OR51B5: variants seen among roughly 807,000 people sequenced by gnomAD.
OR51B5 encodes the protein olfactory receptor 51B5.
For missense variants in OR51B5, 456 were observed against 374.6 expected, an observed-to-expected ratio of 1.22 and a Z score of -1.79; for synonymous variants, 186 against 144.8, an observed-to-expected ratio of 1.28 and a Z score of -2.04.
chr11:5,433,442 C>T (rs1392091706), intron 1 of OR51B5, among the ~76,000 whole-genome samples: 5 of 152,216 alleles, frequency 3.3e-5, no homozygotes, highest in African/African-American at 1.2e-4. Flanking sequence ...CACACATTCA[C>T]TCAACAGATT....
At chr11:5,347,060 G>A (rs1395630749), upstream of OR51B5, 1 of 152,124 alleles carries the variant, frequency 6.6e-6, no homozygotes, top group African/African-American at 2.4e-5. Flanking sequence ...GTCCCCCCAA[G>A]CTTTTAAATA....
chr11:5,443,767 C>T (rs916859752), intron 1 of OR51B5, among the ~76,000 whole-genome samples: 1 of 152,000 alleles, frequency 6.6e-6, no homozygotes, highest in African/African-American at 2.4e-5. Context: ...TTTGCTTTGT[C>T]CACAGGAGTG....
At chr11:5,440,571 C>T (rs1437088096) in intron 1 of OR51B5, 38 of 1,610,212 alleles carry the variant, frequency 2.4e-5, no homozygotes, top group Non-Finnish European at 3.2e-5. Context: ...CAGCCTTCCT[C>T]AGGCCTGGGA....
intron 1 of OR51B5, among the ~76,000 whole-genome samples, chr11:5,443,320 A>G (rs1309901597): frequency 6.6e-6 from 1 of 152,158 alleles, no homozygotes; most frequent in East Asian, 1.9e-4. Flanking sequence ...CCAAATATAT[A>G]TAGGTAGTGA....
At chr11:5,489,189 C>A in intron 1 of OR51B5, 1 of 1,612,328 alleles carries the variant, frequency 6.2e-7, no homozygotes, top group Admixed American at 1.7e-5. Flanking sequence ...TTGTCTCCCC[C>A]TTCATCTTCT....
intron 1 of OR51B5, chr11:5,441,104 C>A (rs755710736): frequency 6.2e-7 from 1 of 1,613,846 alleles, no homozygotes; most frequent in African/African-American, 1.3e-5. Flanking sequence ...TGTGAGTGAG[C>A]ACAGTGACAT....
chr11:5,454,302 A>C, intron 1 of OR51B5: 1 of 1,614,170 alleles, frequency 6.2e-7, no homozygotes, highest in Non-Finnish European at 8.5e-7. Context: ...CCCATGCTAC[A>C]TACATGTCCT....
intron 1 of OR51B5, among the ~76,000 whole-genome samples, chr11:5,367,229 A>G (rs1248315652): frequency 6.6e-6 from 1 of 152,218 alleles, no homozygotes; most frequent in Non-Finnish European, 1.5e-5. Flanking sequence ...GCATTGCCAG[A>G]AAGGAGTCAC....
At chr11:5,346,588 T>TAA (rs1452460325), upstream of OR51B5, among the ~76,000 whole-genome samples, 109 of 152,030 alleles carry the variant, frequency 7.2e-4, no homozygotes, top group African/African-American at 2.4e-3. Context: ...AAAGAAGACA[T>TAA]ATGAGAGGGT....
At chr11:5,462,832 C>T (rs1851078845) in intron 1 of OR51B5, among the ~76,000 whole-genome samples, 1 of 152,220 alleles carries the variant, frequency 6.6e-6, no homozygotes, top group Non-Finnish European at 1.5e-5. Flanking sequence ...CTCCAGACAA[C>T]TGAGGAGAGC....
intron 1 of OR51B5, among the ~76,000 whole-genome samples, chr11:5,450,341 A>G (rs1305178394): frequency 6.6e-6 from 1 of 152,186 alleles, no homozygotes; most frequent in African/African-American, 2.4e-5. Flanking sequence ...GTGAGCCAAG[A>G]TTGCACCACT....
intron 1 of OR51B5, among the ~76,000 whole-genome samples, chr11:5,426,196 T>A (rs1483279091): frequency 6.6e-6 from 1 of 152,158 alleles, no homozygotes; most frequent in African/African-American, 2.4e-5. Context: ...TCAATGGTAG[T>A]CAAGGTTTTG....
chr11:5,364,933 T>C (rs1365885462), intron 1 of OR51B5, among the ~76,000 whole-genome samples: 1 of 151,216 alleles, frequency 6.6e-6, no homozygotes, highest in African/African-American at 2.4e-5. Flanking sequence ...CTATGGTGGA[T>C]ACACAAGGAG....
At chr11:5,403,245 G>T in intron 1 of OR51B5, 1 of 471,468 alleles carries the variant, frequency 2.1e-6, no homozygotes, top group Non-Finnish European at 4.4e-6. Context: ...GTTGCTGATT[G>T]TGATCTCCTA....
At chr11:5,402,815 G>A (rs764299035) in intron 1 of OR51B5, 34 of 471,512 alleles carry the variant, frequency 7.2e-5, no homozygotes, top group Non-Finnish European at 1.4e-4. Context: ...CACTGGCCGA[G>A]GTTCGTGTCT....
chr11:5,457,204 A>G (rs971549650), intron 1 of OR51B5, among the ~76,000 whole-genome samples: 1 of 151,822 alleles, frequency 6.6e-6, no homozygotes, highest in Non-Finnish European at 1.5e-5. Flanking sequence ...TCAAAGTTTT[A>G]CTCCCCCTTA....
chr11:5,343,797 G>GA (rs1177854859), upstream of OR51B5, among the ~76,000 whole-genome samples: 3 of 151,816 alleles, frequency 2.0e-5, no homozygotes, highest in East Asian at 1.9e-4. Context: ...ATTCTCTTCA[G>GA]AAAAAAAATT....
intron 1 of OR51B5, among the ~76,000 whole-genome samples, chr11:5,493,802 A>T (rs1215353882): frequency 6.6e-6 from 1 of 152,210 alleles, no homozygotes; most frequent in Non-Finnish European, 1.5e-5. Flanking sequence ...AGAATTTTCA[A>T]TGACTAAAAA....
intron 1 of OR51B5, among the ~76,000 whole-genome samples, chr11:5,452,061 A>G (rs1392415304): frequency 1.3e-5 from 2 of 152,238 alleles, no homozygotes; most frequent in African/African-American, 2.4e-5. Context: ...GTAGATTAAT[A>G]TCAGTGGGCA....
Sources: gnomAD v4.1 joint callset for allele counts (sites outside exome capture counted in the v4.1 genomes callset) on GRCh38, gnomAD v4.1.1 for gene constraint, MANE v1.5 for transcripts, NCBI Gene and HGNC (gene_info 2026-07-23, HGNC 2026-07-21) for gene names.